Variants in GABRG3 observed in about 807,000 individuals in gnomAD.
GABRG3 encodes gamma-aminobutyric acid type A receptor subunit gamma3, also known as gamma-aminobutyric acid receptor subunit gamma-3.
GABRG3 carries 25 observed loss-of-function variants against 48.8 expected under a neutral mutation model. The ratio of observed to expected loss-of-function variants is 0.51; its 90% confidence interval spans 0.37 to 0.72. The LOEUF is 0.72. Ranked by LOEUF, GABRG3 falls within the 30% of genes least tolerant of loss-of-function variation. GABRG3 has a pLI of 0.00. For missense variants in GABRG3, 394 were observed against 577.9 expected (o/e 0.68, Z 3.26); for synonymous variants, 227 against 217.6 (o/e 1.04, Z -0.38).
At chr15:27,268,233 G>A (rs987460642) in intron 3 of GABRG3, among the ~76,000 whole-genome samples, 2 of 152,160 alleles carry the variant, frequency 1.3e-5, no homozygotes, top group African/African-American at 4.8e-5. Context: ...AAGATACTCA[G>A]ATTATCTATT....
In GABRG3 at chr15:27,308,205, TATCC is replaced by T. The variant is rs1892775201; in HGVS notation, c.271-18602_271-18599del. On this transcript the variant is annotated intron_variant, in intron 3 of 9. Coordinates refer to ENST00000615808, the MANE Select transcript of GABRG3 (RefSeq NM_033223.5). The stretch of plus-strand genomic sequence containing the variant: ...CCAAACATATATAAACATGTTTATA[TATCC>T]AAACATATATAAACATGTTTATATA... Among the ~76,000 whole-genome samples the T allele has an allele frequency of 1.4e-4, 8 of 55,572 alleles. 2 individuals are homozygous for T. The highest frequency in any genetic ancestry group is 7.0e-5 in the African/African-American group (1 of 14,246). 36.5% of individuals were successfully genotyped at this position (55,572 alleles called of 152,430 possible). A position where few individuals can be genotyped will look rare whatever the true frequency, so the allele number is the denominator to read the frequency against.
At chr15:27,226,748 T>C (rs1889633460) in intron 3 of GABRG3, among the ~76,000 whole-genome samples, 1 of 152,192 alleles carries the variant, frequency 6.6e-6, no homozygotes, top group South Asian at 2.1e-4. Flanking sequence ...GATCCCCCTC[T>C]GGCCCTGAGA....
intron 3 of GABRG3, among the ~76,000 whole-genome samples, chr15:27,049,618 C>A (rs1896422732): frequency 1.3e-5 from 2 of 152,196 alleles, no homozygotes; most frequent in African/African-American, 4.8e-5. Flanking sequence ...GAACATGACA[C>A]TTTTCATTTC....
intron 3 of GABRG3, among the ~76,000 whole-genome samples, chr15:27,123,317 C>A (rs1020093743): frequency 1.3e-5 from 2 of 152,056 alleles, no homozygotes; most frequent in African/African-American, 4.8e-5. Flanking sequence ...AACGTAACCC[C>A]CAAGATGATA....
intron 5 of GABRG3, among the ~76,000 whole-genome samples, chr15:27,467,550 T>C (rs759045951): frequency 1.2e-4 from 18 of 152,246 alleles, no homozygotes; most frequent in Non-Finnish European, 2.4e-4. Flanking sequence ...GGGCCTAAGA[T>C]TGCAGGTACT....
At chr15:27,415,627 A>G (rs1887918430) in intron 5 of GABRG3, among the ~76,000 whole-genome samples, 1 of 152,106 alleles carries the variant, frequency 6.6e-6, no homozygotes, top group Non-Finnish European at 1.5e-5. Context: ...ATGTAACCAA[A>G]CACCACCTGT....
In GABRG3 at chr15:26,999,733, A is replaced by G. The variant is rs536961207; in HGVS notation, c.202+22583A>G. On this transcript the variant is annotated intron_variant, in intron 2 of 9. Transcript: ENST00000615808. ...GGTTCTTCCATCTGTTTCCTCTTTA[A>G]AGGCCCCAATTGCACATATTTTGTG... Among the ~76,000 whole-genome samples the G allele has an allele frequency of 2.0e-5, 3 of 152,156 alleles. No individual in the cohort carries two copies. In the East Asian group the frequency reaches 5.8e-4, roughly 29 times the overall value.
chr15:27,298,134 G>A (rs753023781), intron 3 of GABRG3, among the ~76,000 whole-genome samples: 1 of 152,050 alleles, frequency 6.6e-6, no homozygotes, highest in Non-Finnish European at 1.5e-5. Context: ...TAACAAATGT[G>A]AATGAATTAA....
At chr15:27,260,337 T>C (rs1890733997) in intron 3 of GABRG3, among the ~76,000 whole-genome samples, 1 of 152,184 alleles carries the variant, frequency 6.6e-6, no homozygotes, top group Non-Finnish European at 1.5e-5. Context: ...GGGCCCACTC[T>C]TACTACCTCA....
chr15:27,016,726 A>G (rs1895785407), intron 2 of GABRG3, among the ~76,000 whole-genome samples: 1 of 152,056 alleles, frequency 6.6e-6, no homozygotes, highest in African/African-American at 2.4e-5. Flanking sequence ...CGCATAATGC[A>G]TATGTTATTC....
At chr15:27,210,175 G>C (rs1468571281) in intron 3 of GABRG3, among the ~76,000 whole-genome samples, 10 of 152,144 alleles carry the variant, frequency 6.6e-5, no homozygotes. Context: ...ACCTCCAAGG[G>C]TCGGGTGAAT....
At position 27,275,517 on chromosome 15, in the gene GABRG3, C is replaced by A. The variant is rs777034035; in HGVS notation, c.271-51292C>A. On this transcript the variant is annotated intron_variant, in intron 3 of 9. Transcript: ENST00000615808. ...AATGGAGAAAATGGTGTTTAATGAG[C>A]AGTGTCCAGGAAAGTTCATCCCCCT... Among the ~76,000 whole-genome samples the A allele has an allele frequency of 2.2e-4, 34 of 152,110 alleles. 1 individual carries two copies. The highest frequency in any genetic ancestry group is 1.3e-4 in the Admixed American group (2 of 15,266).
chr15:27,169,404 G>A (rs1438285933), intron 3 of GABRG3, among the ~76,000 whole-genome samples: 1 of 152,126 alleles, frequency 6.6e-6, no homozygotes, highest in Non-Finnish European at 1.5e-5. Context: ...GGAACTGATT[G>A]AAGGCCAGTG....
intron 7 of GABRG3, among the ~76,000 whole-genome samples, chr15:27,524,445 G>A (rs1227391234): frequency 6.6e-6 from 1 of 151,992 alleles, no homozygotes. Flanking sequence ...AATACAAAAA[G>A]TGAAAATATG....
At chr15:27,329,272 T>G (rs892927392) in intron 5 of GABRG3, among the ~76,000 whole-genome samples, 1 of 152,208 alleles carries the variant, frequency 6.6e-6, no homozygotes, top group Non-Finnish European at 1.5e-5. Flanking sequence ...TTTTATTTAT[T>G]TATTTATTGA....
rs1407153935 is a variant in GABRG3, at chr15:27,388,307, AG to A, written c.574+59422del. On this transcript the variant is annotated intron_variant, in intron 5 of 9. Coordinates refer to ENST00000615808, the MANE Select transcript of GABRG3 (RefSeq NM_033223.5). Reference sequence around the variant, plus strand: ...AGGAAGGAAGAAAAGAAGGAAGGAAAGGGAGGGAGGGAAAAGAAGGAAGGAA... The same window carrying A: ...AGGAAGGAAGAAAAGAAGGAAGGAAAGGAGGGAGGGAAAAGAAGGAAGGAA... Among the ~76,000 whole-genome samples, 11 of 22,444 alleles carry A rather than the reference AG, an allele frequency of 4.9e-4. 1 individual carries two copies. The highest frequency in any genetic ancestry group is 1.8e-3 in the Admixed American group (3 of 1,694). The allele number at this position is 22,444 out of a possible 152,430, so 14.7% of individuals were successfully genotyped here. A position where few individuals can be genotyped will look rare whatever the true frequency, so the allele number is the denominator to read the frequency against.
chr15:27,182,685 G>T (rs778414356), intron 3 of GABRG3, among the ~76,000 whole-genome samples: 2 of 152,120 alleles, frequency 1.3e-5, no homozygotes, highest in African/African-American at 2.4e-5. Flanking sequence ...CCACAGGGCC[G>T]CCAAGCAAAG....
intron 5 of GABRG3, among the ~76,000 whole-genome samples, chr15:27,391,551 T>A (rs1336042863): frequency 2.0e-5 from 3 of 152,200 alleles, no homozygotes; most frequent in Non-Finnish European, 4.4e-5. Context: ...CGTGCTAATA[T>A]GCAACTGAAA....
At position 27,352,771 on chromosome 15, in the gene GABRG3, GGGGTGATATA is replaced by G. The variant is rs1217429818; in HGVS notation, c.574+23885_574+23894del. On this transcript the variant is annotated intron_variant, in intron 5 of 9. Transcript: ENST00000615808. The surrounding 1 kb of genome is among the most constrained non-coding windows in gnomAD (Gnocchi z 4.0). ...TATGCCACGTTTCACGCAGATGCAT[GGGGTGATATA>G]GCGCAAGGTGGAGGGTGCAATATGG... Among the ~76,000 whole-genome samples, 1 of 152,100 alleles carries G rather than the reference GGGGTGATATA, an allele frequency of 6.6e-6. No individual in the cohort carries two copies. Among genetic ancestry groups the G allele is most frequent in the Non-Finnish European group, 1.5e-5 (1 of 68,010 alleles).
Sources: allele counts gnomAD v4.1 joint callset (sites outside exome capture counted in the v4.1 genomes callset), GRCh38; gene constraint gnomAD v4.1.1; non-coding constraint Gnocchi (gnomAD v3.1); transcripts MANE v1.5; gene names NCBI Gene and HGNC (gene_info 2026-07-23, HGNC 2026-07-21).